The following DOCK1 variants were observed in gnomAD, a reference collection of about 807,000 sequenced individuals.
The protein encoded by DOCK1 is dedicator of cytokinesis 1.
DOCK1 carries 138 observed loss-of-function variants against 262.7 expected under a neutral mutation model. The ratio of observed to expected loss-of-function variants is 0.53; its 90% confidence interval spans 0.46 to 0.61. The LOEUF is 0.61. DOCK1 is among the 20% of genes least tolerant of loss of function. The probability of loss-of-function intolerance (pLI) is 0.00; values close to 1 mark genes in which losing one functional copy is unlikely to be tolerated. For synonymous variants in DOCK1, 866 were observed against 867.4 expected, an observed-to-expected ratio of 1.00 and a Z score of 0.03; for missense variants, 1,908 against 2,370.7, an observed-to-expected ratio of 0.80 and a Z score of 4.05.
intron 49 of DOCK1, among the ~76,000 whole-genome samples, chr10:127,442,413 CT>C (rs1416817239): frequency 6.6e-6 from 1 of 152,172 alleles, no homozygotes; most frequent in Non-Finnish European, 1.5e-5. Flanking sequence ...ACGTTGACCC[CT>C]CCTTTTTGGC....
chr10:127,378,158 G>A (rs1300272827), intron 35 of DOCK1, among the ~76,000 whole-genome samples: 3 of 151,122 alleles, frequency 2.0e-5, no homozygotes, highest in Admixed American at 6.7e-5. Context: ...ACTGGTAGGC[G>A]CATCATTACT....
At position 127,110,175 on chromosome 10, in the gene DOCK1, C is replaced by T. The variant is rs569962975; in HGVS notation, c.2517-73C>T. ...TTAATGACCATGTGATGACCTATAT[C>T]TCAGTATTGTAACAACATTGGATCC... On this transcript the variant is annotated intron_variant, in intron 24 of 51. Transcript: ENST00000623213. 190 of 1,253,356 alleles carry T rather than the reference C, an allele frequency of 1.5e-4. 4 individuals carry two copies. The Middle Eastern group carries it at 2.6e-3, about 17-fold the overall frequency. The allele number at this position is 1,253,356 out of a possible 1,614,324, so 77.6% of individuals were successfully genotyped here. A position where few individuals can be genotyped will look rare whatever the true frequency, so the allele number is the denominator to read the frequency against.
intron 1 of DOCK1, among the ~76,000 whole-genome samples, chr10:126,962,022 G>A (rs1451277110): frequency 6.6e-6 from 1 of 152,054 alleles, no homozygotes; most frequent in Admixed American, 6.6e-5. Context: ...TTTTGAGACA[G>A]GGTCTCACTC....
intron 4 of DOCK1, among the ~76,000 whole-genome samples, chr10:126,985,457 TCC>T (rs1393986678): frequency 6.6e-6 from 1 of 152,018 alleles, no homozygotes; most frequent in South Asian, 2.1e-4. Context: ...GGCACATTAA[TCC>T]CAGGGATCCA....
intron 27 of DOCK1, among the ~76,000 whole-genome samples, chr10:127,197,566 G>T (rs1445172767): frequency 6.6e-5 from 10 of 152,186 alleles, no homozygotes; most frequent in Admixed American, 6.5e-4. Context: ...TTATTAGTCT[G>T]TTTCTCAGGA....
At chr10:127,430,880 C>G (rs966286047) in intron 47 of DOCK1, among the ~76,000 whole-genome samples, 1 of 152,126 alleles carries the variant, frequency 6.6e-6, no homozygotes, top group Non-Finnish European at 1.5e-5. Flanking sequence ...CGGGAGACAG[C>G]GACGTAAAAC....
intron 33 of DOCK1, among the ~76,000 whole-genome samples, chr10:127,370,680 G>T (rs1178142552): frequency 6.6e-6 from 1 of 152,210 alleles, no homozygotes; most frequent in Non-Finnish European, 1.5e-5. Flanking sequence ...GGTAAAAGCA[G>T]TGTTTCCTTT....
At chr10:126,951,255 T>A (rs1333089539) in intron 1 of DOCK1, among the ~76,000 whole-genome samples, 2 of 151,454 alleles carry the variant, frequency 1.3e-5, no homozygotes, top group Non-Finnish European at 2.9e-5. Context: ...GTAATATTAG[T>A]GATAGTGGTG....
chr10:127,002,703 G>A (rs767033073), intron 10 of DOCK1, among the ~76,000 whole-genome samples: 1 of 152,204 alleles, frequency 6.6e-6, no homozygotes, highest in Non-Finnish European at 1.5e-5. Context: ...TGTTGGCTGA[G>A]ACACTACATC....
At position 127,418,478 on chromosome 10, in the gene DOCK1, C is replaced by T; in HGVS notation, c.4629C>T (p.Leu1543=). The T allele has an allele frequency of 1.2e-6, 2 of 1,614,168 alleles. No homozygotes were observed. The highest frequency in any genetic ancestry group is 8.5e-7 in the Non-Finnish European group (1 of 1,180,026). The part of the protein sequence containing the change: ...LDDPSLPINP[L]SMLLNGIVDP... ...ACCCCAGCCTGCCCATCAACCCGCT[C>T]TCCATGCTCCTGAACGGCATCGTGG... The change falls in exon 45 of 52, where the codon CTC becomes CTT. Residue 1543 remains leucine (L), a synonymous_variant. Transcript: ENST00000623213.
intron 42 of DOCK1, 83 bp from the exon 43 acceptor site, chr10:127,410,757 G>A (rs2134389997): frequency 2.3e-6 from 3 of 1,297,458 alleles, no homozygotes; most frequent in African/African-American, 2.9e-5. Flanking sequence ...GCAGTGACAT[G>A]TTCTAAGGCC....
chr10:126,914,760 C>G (rs1238282517), intron 1 of DOCK1, among the ~76,000 whole-genome samples: 1 of 152,190 alleles, frequency 6.6e-6, no homozygotes, highest in Non-Finnish European at 1.5e-5. Context: ...GCTGCTGTAA[C>G]AAACAGCCCC....
chr10:126,951,430 AGTATTGTTG>A (rs2036228787), intron 1 of DOCK1, among the ~76,000 whole-genome samples: 1 of 151,244 alleles, frequency 6.6e-6, no homozygotes, highest in Non-Finnish European at 1.5e-5. Flanking sequence ...TGGTGGTGGT[AGTATTGTTG>A]GTAGTGTTGG....
Position 126,995,627 on chromosome 10 carries a change from G to A in DOCK1, c.474-1121G>A, listed in dbSNP as rs981739538. Among the ~76,000 whole-genome samples the A allele has an allele frequency of 2.6e-5, 4 of 152,170 alleles. No individual in the cohort carries two copies. The highest frequency in any genetic ancestry group is 1.9e-4 in the East Asian group (1 of 5,174). ...CTTGGCTCGGCATCAGAGGCAGACCGTGGAGAGAGAGGGAGAGGGAGACCG... is the reference window on the plus strand; with the variant it reads ...CTTGGCTCGGCATCAGAGGCAGACCATGGAGAGAGAGGGAGAGGGAGACCG... On this transcript the variant is annotated intron_variant, in intron 6 of 51. Transcript: ENST00000623213. This position sits in a 1 kb window ranked among gnomAD's most constrained non-coding sequence, Gnocchi z 5.8.
intron 31 of DOCK1, among the ~76,000 whole-genome samples, chr10:127,345,595 A>G (rs1268843425): frequency 6.6e-6 from 1 of 152,210 alleles, no homozygotes; most frequent in Non-Finnish European, 1.5e-5. Context: ...TTGTTCAGAA[A>G]CAAGAAATGC....
At position 127,260,954 on chromosome 10, in the gene DOCK1, T is replaced by TGTACCTGCAC. The variant is rs760726650; in HGVS notation, c.3044+3527_3044+3528insACCTGCACGT. Reference sequence around the variant, plus strand: ...GTGTGTGTGTACCCGTGCTCATCTGTGTGTGTGCATGTGGGTGTGTGTGTG... The same window carrying TGTACCTGCAC: ...GTGTGTGTGTACCCGTGCTCATCTGTGTACCTGCACGTGTGTGCATGTGGGTGTGTGTGTG... On this transcript the variant is annotated intron_variant, in intron 29 of 51. Coordinates refer to ENST00000623213, the MANE Select transcript of DOCK1 (RefSeq NM_001290223.2). Among the ~76,000 whole-genome samples, 243 of 123,608 alleles carry TGTACCTGCAC rather than the reference T, an allele frequency of 2.0e-3. 5 individuals are homozygous for TGTACCTGCAC. The highest frequency in any genetic ancestry group is 2.8e-3 in the Non-Finnish European group (162 of 58,124). 81.1% of individuals were successfully genotyped at this position (123,608 alleles called of 152,430 possible).
At chr10:127,136,075 T>C (rs1177886669) in intron 27 of DOCK1, 2 of 152,560 alleles carry the variant, frequency 1.3e-5, no homozygotes, top group African/African-American at 4.8e-5. Context: ...GGATTCGAAC[T>C]TCATATAGTG....
chr10:127,066,145 C>T (rs1434293593), intron 23 of DOCK1, among the ~76,000 whole-genome samples: 1 of 152,096 alleles, frequency 6.6e-6, no homozygotes, highest in African/African-American at 2.4e-5. Flanking sequence ...GGCCCCATTG[C>T]CTCTGCCCTC....
rs2047232781 is a variant in DOCK1, at chr10:127,086,893, A to G, written c.2446-19338A>G. On this transcript the variant is annotated intron_variant, in intron 23 of 51. Transcript: ENST00000623213. The stretch of plus-strand genomic sequence containing the variant: ...AATTAAATTAATAACGTGTTTTAGT[A>G]GGCACTTGGCTTTTATCTGTATCTA... Among the ~76,000 whole-genome samples, 4 of 152,230 alleles carry G rather than the reference A, an allele frequency of 2.6e-5. No homozygotes were observed. The South Asian group carries it at 8.3e-4, about 32-fold the overall frequency.
Sources: gnomAD v4.1 joint callset for allele counts (sites outside exome capture counted in the v4.1 genomes callset) on GRCh38, gnomAD v4.1.1 for gene constraint, Gnocchi (gnomAD v3.1) non-coding constraint, MANE v1.5 for transcripts, NCBI Gene and HGNC (gene_info 2026-07-23, HGNC 2026-07-21) for gene names.